BCOR: variants seen among roughly 807,000 people sequenced by gnomAD.
BCOR encodes BCL-6 corepressor.
A neutral mutation model predicts 86.7 loss-of-function variants in BCOR; 10 were observed. The observed-to-expected ratio is 0.12, with a 90% confidence interval of 0.07 to 0.20. The LOEUF (loss-of-function observed/expected upper bound fraction) is 0.20, where lower values mean the gene tolerates loss of function less well. Ranked by LOEUF, BCOR falls within the 10% of genes least tolerant of loss-of-function variation. The pLI, the probability that BCOR is intolerant of heterozygous loss-of-function variation, is 1.00. For synonymous variants in BCOR, 611 were observed against 609.0 expected (o/e 1.00, Z -0.05); for missense variants, 1,259 against 1,452.1 (o/e 0.87, Z 2.16).
In BCOR at chrX:40,057,187, A is replaced by G. The variant is rs761093745; in HGVS notation, c.4563T>C (p.Ala1521=). Residue 1521 remains alanine, a synonymous_variant, in exon 11 of 15, where the codon GCT becomes GCC. Transcript: ENST00000378444. Reference sequence around the variant, plus strand: ...CATCCTGGGCACTACAGTTGACATCAGCGCCATATTCAAGGAGGTGTCGCA... The same window carrying G: ...CATCCTGGGCACTACAGTTGACATCGGCGCCATATTCAAGGAGGTGTCGCA... ...NIVRHLLEYG[A]DVNCSAQDGT... is the part of the protein sequence containing the mutation. 1.2e-5 allele frequency: 14 copies of G among 1,210,443 alleles called. No homozygotes were observed. The highest frequency in any genetic ancestry group is 1.3e-5 in the Non-Finnish European group (12 of 895,366).
At position 40,073,388 on chromosome X, in the gene BCOR, T is replaced by C; in HGVS notation, c.1958A>G (p.Tyr653Cys). 1 of 1,211,699 alleles carries C rather than the reference T, an allele frequency of 8.3e-7. No individual in the cohort carries two copies. Among genetic ancestry groups the C allele is most frequent in the Non-Finnish European group, 1.1e-6 (1 of 895,426 alleles). ...NEAFRSPPIP[Y>C]PRSYLPYPAP... ...TGGGTAAGGGAGGTAACTCCTGGGG[T>C]AGGGAATTGGTGGGGACCTGAATGC... Residue 653 changes from tyrosine to cysteine, a missense_variant, in exon 4 of 15, where the codon TAC becomes TGC. Coordinates refer to ENST00000378444, the MANE Select transcript of BCOR (RefSeq NM_001123385.2).
chrX:40,151,765 G>A (rs1938171892), intron 1 of BCOR, among the ~76,000 whole-genome samples: 1 of 112,534 alleles, frequency 8.9e-6, no homozygotes. Flanking sequence ...AGCCAACTGG[G>A]GAGGCAGAGA....
Position 40,106,865 on chromosome X carries a change from C to T in BCOR, c.-40-28896G>A, listed in dbSNP as rs767507616. ...TGGGTTCTCCGCTCCCTCCCACTCC[C>T]CCTCCCCAACACAGAGCCGCCGGCC... is the stretch of plus-strand genomic sequence containing the variant. On this transcript the variant is annotated intron_variant, in intron 1 of 14. Transcript: ENST00000342274. Among the ~76,000 whole-genome samples, 49 of 110,867 alleles carry T rather than the reference C, an allele frequency of 4.4e-4. 1 individual carries two copies. Among genetic ancestry groups the T allele is most frequent in the African/African-American group, 1.5e-3 (45 of 30,460 alleles).
chrX:40,151,727 TGGCGGC>T (rs1158381490), intron 1 of BCOR, among the ~76,000 whole-genome samples: 1 of 112,039 alleles, frequency 8.9e-6, no homozygotes, highest in East Asian at 2.8e-4. Flanking sequence ...GCCGCAGCGG[TGGCGGC>T]GGCGGCGGCT....
In BCOR at chrX:40,072,530, T is replaced by C; in HGVS notation, c.2816A>G (p.Tyr939Cys). Residue 939 changes from tyrosine (Y) to cysteine (C), a missense_variant, in exon 4 of 15, where the codon TAT becomes TGT. Tyr to Cys is a radical substitution (Grantham distance 194). Around this residue, in one of 7 missense-constraint regions of BCOR, gnomAD observed 534 missense variants for 594.8 expected, o/e 0.90. Coordinates refer to ENST00000378444, the MANE Select transcript of BCOR (RefSeq NM_001123385.2). The part of the protein sequence containing the change: ...APPSVDVTPT[Y>C]TKDGADEAES... ...AGCCTCATCAGCTCCATCTTTGGTA[T>C]AGGTGGGGGTCACATCCACACTTGG... 1 of 1,212,007 alleles carries C rather than the reference T, an allele frequency of 8.3e-7. No individual in the cohort carries two copies. The highest frequency in any genetic ancestry group is 2.3e-4 in the Middle Eastern group (1 of 4,349).
In BCOR at chrX:40,074,957, T is replaced by G. The variant is rs1204630366; in HGVS notation, c.389A>C (p.Glu130Ala). 1 of 1,208,917 alleles carries G rather than the reference T, an allele frequency of 8.3e-7. No individual in the cohort carries two copies. The highest frequency in any genetic ancestry group is 1.1e-6 in the Non-Finnish European group (1 of 894,851). Residue 130 changes from glutamate (E) to alanine (A), a missense_variant, in exon 4 of 15, where the codon GAG (glutamate) becomes GCG (alanine). This residue lies in a region of BCOR where 174 missense variants were observed against 189.3 expected (regional missense o/e 0.92). Transcript: ENST00000378444. ...PEMQFKPNTP[E>A]TVEASAVSGK... ...AGAGACGGCAGAAGCCTCCACTGTC[T>G]CGGGTGTATTCGGTTTGAACTGCAT...
rs1304469072 is a variant in BCOR, at chrX:40,063,860, C to T, written c.3595G>A (p.Glu1199Lys). Residue 1199 changes from glutamate (E) to lysine (K), a missense_variant, in exon 8 of 15, where the codon GAA (glutamate) becomes AAA (lysine). Physicochemically the swap from Glu to Lys is moderately conservative, Grantham distance 56. Coordinates refer to ENST00000378444, the MANE Select transcript of BCOR (RefSeq NM_001123385.2). ...SELTNLKVCI[E>K]LTGLHPKKQR... ...TTTTTAGGATGGAGCCCTGTTAATTCAATGCACACCTTCAGGTTGGTCAGC... is the reference window on the plus strand; with the variant it reads ...TTTTTAGGATGGAGCCCTGTTAATTTAATGCACACCTTCAGGTTGGTCAGC... 3.3e-6 allele frequency: 4 copies of T among 1,211,910 alleles called. No homozygotes were observed. The highest frequency in any genetic ancestry group is 1.8e-5 in the South Asian group (1 of 56,991).
Position 40,053,877 on chromosome X carries a change from C to T in BCOR, c.4976+9G>A. Reference sequence around the variant, plus strand: ...AGCTAGTTTTCAATCACATGACAGCCATGCTCACCCCTGAGCCACAGATAC... The same window carrying T: ...AGCTAGTTTTCAATCACATGACAGCTATGCTCACCCCTGAGCCACAGATAC... On this transcript the variant is annotated intron_variant, in intron 14 of 14. Transcript: ENST00000378444. The T allele has an allele frequency of 1.7e-6, 2 of 1,210,695 alleles. No individual in the cohort carries two copies. The highest frequency in any genetic ancestry group is 2.2e-6 in the Non-Finnish European group (2 of 894,769).
intron 6 of BCOR, among the ~76,000 whole-genome samples, chrX:40,066,301 T>C (rs959085826): frequency 1.3e-4 from 14 of 111,639 alleles, no homozygotes; most frequent in Non-Finnish European, 2.3e-4. Flanking sequence ...AAACTTACAC[T>C]ATGCAGAAGT....
At position 40,072,692 on chromosome X, in the gene BCOR, G is replaced by A. The variant is rs2147205670; in HGVS notation, c.2654C>T (p.Ala885Val). The change falls in exon 4 of 15, where the codon GCA becomes GTA. Residue 885 changes from alanine to valine, a missense_variant. Around this residue, in one of 7 missense-constraint regions of BCOR, gnomAD observed 534 missense variants for 594.8 expected, o/e 0.90. Coordinates refer to ENST00000378444, the MANE Select transcript of BCOR (RefSeq NM_001123385.2). ...CCCTAGGTTCTCTTTGTTGGTACCT[G>A]CCAGAACACTGTCCTTGCTTACGGT... ...VFTVSKDSVLAGTNKENLGLP... is the reference protein window; with the variant it reads ...VFTVSKDSVLVGTNKENLGLP... 5.8e-6 allele frequency: 7 copies of A among 1,211,977 alleles called. No individual in the cohort carries two copies. Among genetic ancestry groups the A allele is most frequent in the Non-Finnish European group, 7.8e-6 (7 of 895,517 alleles).
At position 40,057,210 on chromosome X, in the gene BCOR, G is replaced by C. The variant is rs199676230; in HGVS notation, c.4540C>G (p.Arg1514Gly). ...TCAGCGCCATATTCAAGGAGGTGTC[G>C]CACAATGTTGAGCCAGCCCCTAGCA... Reference protein sequence around the residue: ...ACARGWLNIVRHLLEYGADVN... With the variant: ...ACARGWLNIVGHLLEYGADVN... Residue 1514 changes from arginine to glycine, a missense_variant, in exon 11 of 15, where the codon CGA becomes GGA. Physicochemically the swap from Arg to Gly is moderately radical, Grantham distance 125. Coordinates refer to ENST00000378444, the MANE Select transcript of BCOR (RefSeq NM_001123385.2). 1.7e-6 allele frequency: 2 copies of C among 1,210,473 alleles called. No individual in the cohort carries two copies. Among genetic ancestry groups the C allele is most frequent in the East Asian group, 3.0e-5 (1 of 33,789 alleles).
chrX:40,063,089 GACGGGGTGGCGGGCGGAT>G lies in BCOR; in HGVS notation c.3848-36_3848-19del. 2 of 998,871 alleles carry G rather than the reference GACGGGGTGGCGGGCGGAT, an allele frequency of 2.0e-6. No individual in the cohort carries two copies. Among genetic ancestry groups the G allele is most frequent in the Non-Finnish European group, 1.3e-6 (1 of 752,988 alleles). 82.3% of individuals were successfully genotyped at this position (998,871 alleles called of 1,213,427 possible). The stretch of plus-strand genomic sequence containing the variant: ...AGGCAAGCCTAAATACGGAGGGGGT[GACGGGGTGGCGGGCGGAT>G]GGGAGACGGGAGAAGAAGCGGGCGT... On this transcript the variant is annotated intron_variant, in intron 8 of 14. Transcript: ENST00000378444.
At chrX:40,083,967 G>C (rs12687549) in intron 1 of BCOR, among the ~76,000 whole-genome samples, 1 of 112,041 alleles carries the variant, frequency 8.9e-6, no homozygotes. Context: ...TGGGCGCAGG[G>C]AGAATCCGAG....
intron 1 of BCOR, among the ~76,000 whole-genome samples, chrX:40,123,279 G>T (rs946583385): frequency 7.2e-5 from 8 of 110,943 alleles, no homozygotes; most frequent in African/African-American, 2.6e-4. Flanking sequence ...TTGAGAAGGG[G>T]TCTTAGGGAC....
rs373762694 is a variant in BCOR, at chrX:40,062,911, G to A, written c.4008C>T (p.Asp1336=). ...AGGCAGCCTGGCAATCCTCTTCTTCGTCTGCACACAGCACATCTGTCTTCT... is the reference window on the plus strand; with the variant it reads ...AGGCAGCCTGGCAATCCTCTTCTTCATCTGCACACAGCACATCTGTCTTCT... ...ENQKTDVLCA[D]EEEDCQAASL... Residue 1336 remains aspartate (D), a synonymous_variant, in exon 9 of 15, where the codon GAC becomes GAT. Coordinates refer to ENST00000378444, the MANE Select transcript of BCOR (RefSeq NM_001123385.2). 4.1e-5 allele frequency: 49 copies of A among 1,208,794 alleles called. No homozygotes were observed. The highest frequency in any genetic ancestry group is 4.8e-5 in the Non-Finnish European group (43 of 894,490).
chrX:40,080,483 T>G (rs764059137), intron 1 of BCOR, among the ~76,000 whole-genome samples: 2 of 110,809 alleles, frequency 1.8e-5, no homozygotes, highest in Admixed American at 1.9e-4. Context: ...CCACCTCCCT[T>G]AAGTAGACAC....
intron 14 of BCOR, 135 bp downstream of exon 14, chrX:40,053,751 T>C: frequency 1.4e-6 from 1 of 704,858 alleles, no homozygotes; most frequent in East Asian, 3.5e-5. Context: ...AAATATCTAC[T>C]GCATTGTGTG....
intron 1 of BCOR, among the ~76,000 whole-genome samples, chrX:40,162,431 C>T (rs1184509463): frequency 3.6e-5 from 4 of 111,445 alleles, no homozygotes; most frequent in African/African-American, 1.3e-4. Flanking sequence ...GGAGTTGGCC[C>T]TGCAGACCCA....
At chrX:40,069,619 T>C (rs940958283) in intron 6 of BCOR, among the ~76,000 whole-genome samples, 39 of 112,492 alleles carry the variant, frequency 3.5e-4, no homozygotes, top group African/African-American at 1.2e-3. Context: ...ACTCCCTCTT[T>C]TAGAAGCACC....
Sources: allele counts gnomAD v4.1 joint callset (sites outside exome capture counted in the v4.1 genomes callset), GRCh38; gene constraint gnomAD v4.1.1; regional missense constraint gnomAD v4.1.1; transcripts MANE v1.5; gene names NCBI Gene and HGNC (gene_info 2026-07-23, HGNC 2026-07-21).